JAKMIP2: variants seen among roughly 807,000 people sequenced by gnomAD.
The protein encoded by JAKMIP2 is janus kinase and microtubule interacting protein 2.
JAKMIP2 carries 25 observed loss-of-function variants against 115.0 expected under a neutral mutation model. The ratio of observed to expected loss-of-function variants is 0.22; its 90% CI spans 0.16 to 0.30. JAKMIP2 has a LOEUF of 0.30. JAKMIP2 is among the 10% of genes least tolerant of loss of function. JAKMIP2 has a pLI of 1.00. For synonymous variants in JAKMIP2, 334 were observed against 343.6 expected (o/e 0.97, Z 0.31); for missense variants, 642 against 957.6 (o/e 0.67, Z 4.35).
intron 1 of JAKMIP2, among the ~76,000 whole-genome samples, chr5:147,759,840 TGAG>T (rs1393031429): frequency 1.3e-5 from 2 of 152,030 alleles, no homozygotes; most frequent in Admixed American, 1.3e-4. Flanking sequence ...GTGTTCTCTG[TGAG>T]GAGAATTTAC....
chr5:147,608,717 C>A (rs549352672), intron 20 of JAKMIP2, among the ~76,000 whole-genome samples: 26 of 152,172 alleles, frequency 1.7e-4, no homozygotes, highest in South Asian at 1.2e-3. Flanking sequence ...GAGTTCAAGT[C>A]CTGAATTTCC....
intron 1 of JAKMIP2, among the ~76,000 whole-genome samples, chr5:147,690,903 T>C (rs950295092): frequency 3.3e-5 from 5 of 152,102 alleles, no homozygotes; most frequent in Non-Finnish European, 5.9e-5. Context: ...GTACACAGGA[T>C]GGGTCCTGGG....
chr5:147,645,862 G>A (rs1758109007), intron 5 of JAKMIP2, among the ~76,000 whole-genome samples: 1 of 152,112 alleles, frequency 6.6e-6, no homozygotes, highest in Non-Finnish European at 1.5e-5. Flanking sequence ...GGAACCACTG[G>A]TCTAAGTTTA....
At chr5:147,636,105 G>T in intron 12 of JAKMIP2, 117 bp downstream of exon 12, 1 of 743,324 alleles carries the variant, frequency 1.3e-6, no homozygotes, top group Non-Finnish European at 2.3e-6. Flanking sequence ...ACAGAGCAGT[G>T]CCGGAAAAGC....
At chr5:147,603,618 T>A (rs1348535062) in intron 20 of JAKMIP2, among the ~76,000 whole-genome samples, 1 of 152,190 alleles carries the variant, frequency 6.6e-6, no homozygotes, top group Non-Finnish European at 1.5e-5. Flanking sequence ...TCATCTCTAG[T>A]CAAATATCTA....
At chr5:147,723,035 GCAT>G (rs1753377682) in intron 1 of JAKMIP2, among the ~76,000 whole-genome samples, 1 of 117,514 alleles carries the variant, frequency 8.5e-6, no homozygotes. Context: ...ATTTAACCAC[GCAT>G]CATCAACACT....
intron 4 of JAKMIP2, among the ~76,000 whole-genome samples, chr5:147,649,818 T>G (rs1362877608): frequency 6.6e-6 from 1 of 152,166 alleles, no homozygotes; most frequent in Non-Finnish European, 1.5e-5. Context: ...CCATTTCTAT[T>G]GCGCACTTCC....
At chr5:147,636,353 A>C (rs1487744868) in intron 11 of JAKMIP2, 69 bp from the exon 12 acceptor site, 16 of 1,316,944 alleles carry the variant, frequency 1.2e-5, no homozygotes, top group Non-Finnish European at 1.7e-5. Flanking sequence ...TTGTCAAACC[A>C]CTTTGCCAGA....
chr5:147,637,256 C>T (rs978077753), intron 10 of JAKMIP2, among the ~76,000 whole-genome samples: 4 of 152,114 alleles, frequency 2.6e-5, no homozygotes, highest in Non-Finnish European at 2.9e-5. Context: ...GCTTGGCATT[C>T]GAGAACTCCC....
At chr5:147,644,733 A>C (rs1256073949) in intron 6 of JAKMIP2, 117 bp downstream of exon 6, 3 of 915,278 alleles carry the variant, frequency 3.3e-6, no homozygotes, top group Non-Finnish European at 4.9e-6. Context: ...TTGCTTACAT[A>C]AGGAAAAATC....
Position 147,782,436 on chromosome 5 carries a change from C to A in JAKMIP2, c.-149+20G>T, listed in dbSNP as rs1414931377. On this transcript the variant is annotated intron_variant, in intron 1 of 21. Coordinates refer to ENST00000616793, the MANE Select transcript of JAKMIP2 (RefSeq NM_001270941.2). ...AGAACACTCTAAACCAAGAAGGGAG[C>A]CCTACTGTTTCCTACTCACCATGCT... is the stretch of plus-strand genomic sequence containing the variant. 2 of 1,535,636 alleles carry A rather than the reference C, an allele frequency of 1.3e-6. No individual in the cohort carries two copies. The highest frequency in any genetic ancestry group is 2.4e-5 in the South Asian group (2 of 84,044).
At chr5:147,767,759 G>C (rs781258278) in intron 1 of JAKMIP2, among the ~76,000 whole-genome samples, 1 of 151,936 alleles carries the variant, frequency 6.6e-6, no homozygotes, top group African/African-American at 2.4e-5. Flanking sequence ...TGCAAGAAAC[G>C]GTTCAAATTG....
chr5:147,629,584 A>C, intron 15 of JAKMIP2, 109 bp downstream of exon 15: 1 of 717,462 alleles, frequency 1.4e-6, no homozygotes, highest in Non-Finnish European at 2.4e-6. Context: ...AACATCCTTA[A>C]GTGAAATGGC....
At chr5:147,759,497 G>T (rs1235531772) in intron 1 of JAKMIP2, among the ~76,000 whole-genome samples, 1 of 152,058 alleles carries the variant, frequency 6.6e-6, no homozygotes, top group Non-Finnish European at 1.5e-5. Flanking sequence ...AACAAAGAGA[G>T]TGCTAGTGGT....
chr5:147,687,931 C>T (rs374825962), intron 1 of JAKMIP2, among the ~76,000 whole-genome samples: 214 of 152,314 alleles, frequency 1.4e-3, no homozygotes, highest in African/African-American at 4.8e-3. Flanking sequence ...AACTTGTATG[C>T]GTAGGACCCA....
intron 3 of JAKMIP2, chr5:147,660,538 A>AAAC: frequency 2.3e-6 from 1 of 428,244 alleles, no homozygotes; most frequent in South Asian, 1.7e-5. Context: ...ACCCTCTATA[A>AAAC]AAACAAACAA....
intron 1 of JAKMIP2, among the ~76,000 whole-genome samples, chr5:147,689,385 A>G (rs1760727166): frequency 6.6e-6 from 1 of 152,154 alleles, no homozygotes; most frequent in Admixed American, 6.5e-5. Flanking sequence ...TTTTACTCTG[A>G]CTGCTCTAGT....
intron 13 of JAKMIP2, among the ~76,000 whole-genome samples, chr5:147,632,188 T>A (rs1757391862): frequency 2.0e-5 from 3 of 152,180 alleles, no homozygotes; most frequent in Admixed American, 2.0e-4. Flanking sequence ...CCTTGCTTCT[T>A]AGTCTTTTTT....
chr5:147,633,972 G>C (rs565249217), intron 12 of JAKMIP2, among the ~76,000 whole-genome samples: 126 of 152,290 alleles, frequency 8.3e-4, no homozygotes, highest in African/African-American at 2.7e-3. Flanking sequence ...TTACAGGCGT[G>C]AGCCATTGTG....
Sources: allele counts gnomAD v4.1 joint callset (sites outside exome capture counted in the v4.1 genomes callset), GRCh38; gene constraint gnomAD v4.1.1; transcripts MANE v1.5; gene names NCBI Gene and HGNC (gene_info 2026-07-23, HGNC 2026-07-21).